The following PARP8 variants were observed in gnomAD, a reference collection of about 807,000 sequenced individuals.
PARP8 encodes poly(ADP-ribose) polymerase family member 8.
A neutral mutation model predicts 124.1 loss-of-function variants in PARP8; 51 were observed. The ratio of observed to expected loss-of-function variants is 0.41; its 90% CI spans 0.33 to 0.52. The LOEUF is 0.52. Among genes scored for constraint, PARP8 ranks in the 20% least tolerant of loss-of-function variants. The pLI is 0.21. For missense variants in PARP8, 860 were observed against 1,018.9 expected, an observed-to-expected ratio of 0.84 and a Z score of 2.12; for synonymous variants, 391 against 361.5, an observed-to-expected ratio of 1.08 and a Z score of -0.93.
chr5:50,839,733 C>G (rs1258843527), intron 25 of PARP8, among the ~76,000 whole-genome samples: 1 of 151,630 alleles, frequency 6.6e-6, no homozygotes, highest in African/African-American at 2.4e-5. Context: ...GCTCTCTGCT[C>G]TCTCTTCCTC....
At chr5:50,769,499 C>T (rs34428476) in intron 7 of PARP8, among the ~76,000 whole-genome samples, 31,139 of 151,814 alleles carry the variant, frequency 0.21, 3,370 homozygotes, top group South Asian at 0.34. Context: ...AAACAACATA[C>T]ATCAAGAATC....
chr5:50,828,291 C>A, intron 20 of PARP8, 21 bp from the exon 21 acceptor site: 1 of 1,608,438 alleles, frequency 6.2e-7, no homozygotes, highest in Non-Finnish European at 8.5e-7. Flanking sequence ...TTTGCTTTTT[C>A]CTTTCCGTCT....
intron 2 of PARP8, among the ~76,000 whole-genome samples, chr5:50,696,288 G>C (rs534287662): frequency 6.6e-6 from 1 of 152,234 alleles, no homozygotes; most frequent in Admixed American, 6.5e-5. Flanking sequence ...TCTTTACCTA[G>C]GTGAAAGCTA....
At chr5:50,835,121 A>ATTTTT in intron 25 of PARP8, 106 bp downstream of exon 25, 2 of 827,048 alleles carry the variant, frequency 2.4e-6, no homozygotes, top group Non-Finnish European at 3.9e-6. Context: ...ATAACAGGTA[A>ATTTTT]TTGAGTTTAA....
At chr5:50,705,695 G>A (rs537049133) in intron 2 of PARP8, among the ~76,000 whole-genome samples, 1 of 152,208 alleles carries the variant, frequency 6.6e-6, no homozygotes, top group East Asian at 1.9e-4. Context: ...TGAGGCATGA[G>A]AGTCTCTTGA....
intron 2 of PARP8, among the ~76,000 whole-genome samples, chr5:50,669,808 T>G (rs1170546589): frequency 6.6e-6 from 1 of 152,248 alleles, no homozygotes; most frequent in Non-Finnish European, 1.5e-5. Context: ...TATTAAAGGA[T>G]AGTGTTTTCT....
At chr5:50,763,409 T>G in intron 7 of PARP8, 167 bp downstream of exon 7, 1 of 569,880 alleles carries the variant, frequency 1.8e-6, no homozygotes, top group South Asian at 2.2e-5. Context: ...TATGGCTATT[T>G]TTTTGATACA....
chr5:50,837,481 C>A (rs1747710244), intron 25 of PARP8, among the ~76,000 whole-genome samples: 1 of 152,044 alleles, frequency 6.6e-6, no homozygotes, highest in Non-Finnish European at 1.5e-5. Flanking sequence ...AATTTCTGTT[C>A]TTTTTATTTT....
intron 7 of PARP8, among the ~76,000 whole-genome samples, chr5:50,768,885 G>C (rs541787030): frequency 2.0e-5 from 3 of 152,198 alleles, no homozygotes; most frequent in African/African-American, 4.8e-5. Flanking sequence ...ACGGAAATGG[G>C]TTTGCATATA....
chr5:50,691,380 G>A (rs557487229), intron 2 of PARP8, among the ~76,000 whole-genome samples: 1 of 152,306 alleles, frequency 6.6e-6, no homozygotes, highest in Admixed American at 6.5e-5. Context: ...CTGGTGGAAT[G>A]TCTCCTTAGA....
rs558776435 is a variant in PARP8 at position 50,753,877 on chromosome 5, T to C, written c.184+3689T>C. Among the ~76,000 whole-genome samples the C allele has an allele frequency of 7.9e-5, 12 of 151,744 alleles. No individual in the cohort carries two copies. In the South Asian group the frequency reaches 2.5e-3, roughly 31 times the overall value. ...AGTTTAAGAAATACTTTTGCACAGT[T>C]CTATTCATCTCTCCCCAAGTCTCAA... On this transcript the variant is annotated intron_variant, in intron 3 of 25. Coordinates refer to ENST00000281631, the MANE Select transcript of PARP8 (RefSeq NM_024615.4).
Position 50,666,834 on chromosome 5 carries a change from G to A in PARP8, c.-262G>A, listed in dbSNP as rs1270683900. ...ATCACCATCCATTGTCAGAAGGGGA[G>A]GAAATTGGAATCCAGCAGCGGCGAG... is the stretch of plus-strand genomic sequence containing the variant. On this transcript the variant is annotated 5_prime_UTR_variant, in exon 1 of 26. Coordinates refer to ENST00000281631, the MANE Select transcript of PARP8 (RefSeq NM_024615.4). 4 of 1,321,976 alleles carry A rather than the reference G, an allele frequency of 3.0e-6. No homozygotes were observed. Among genetic ancestry groups the A allele is most frequent in the Non-Finnish European group, 3.9e-6 (4 of 1,028,776 alleles). The allele number at this position is 1,321,976 out of a possible 1,614,324, so 81.9% of individuals were successfully genotyped here.
intron 19 of PARP8, 130 bp downstream of exon 19, chr5:50,826,933 T>A: frequency 7.5e-7 from 1 of 1,333,288 alleles, no homozygotes; most frequent in East Asian, 2.8e-5. Context: ...TAAATATAAT[T>A]CTTTAGTTTG....
intron 15 of PARP8, among the ~76,000 whole-genome samples, chr5:50,818,188 C>G (rs553674749): frequency 3.3e-4 from 48 of 145,048 alleles, no homozygotes; most frequent in East Asian, 1.3e-3. Context: ...CCCCCCCCCC[C>G]CAAAAAAAAG....
intron 2 of PARP8, among the ~76,000 whole-genome samples, chr5:50,676,369 C>G (rs1750639289): frequency 6.6e-6 from 1 of 152,192 alleles, no homozygotes; most frequent in African/African-American, 2.4e-5. Flanking sequence ...ATTTCATGCC[C>G]CTAACTTTTC....
At chr5:50,767,791 T>C (rs1395217949) in intron 7 of PARP8, among the ~76,000 whole-genome samples, 1 of 152,204 alleles carries the variant, frequency 6.6e-6, no homozygotes, top group Non-Finnish European at 1.5e-5. Flanking sequence ...TCTCCCACGC[T>C]GGGCAAAAAC....
intron 3 of PARP8, among the ~76,000 whole-genome samples, chr5:50,754,150 T>TATATATAC (rs1312947286): frequency 1.0e-3 from 38 of 37,146 alleles, no homozygotes; most frequent in African/African-American, 3.6e-3. Flanking sequence ...TATATATATA[T>TATATATAC]ACACACACAC....
At chr5:50,734,954 A>T (rs1431937856) in intron 2 of PARP8, among the ~76,000 whole-genome samples, 2 of 152,130 alleles carry the variant, frequency 1.3e-5, no homozygotes, top group Non-Finnish European at 2.9e-5. Flanking sequence ...TCAAATCATA[A>T]CAATTAATAT....
At chr5:50,821,458 C>A in intron 16 of PARP8, 120 bp downstream of exon 16, 2 of 1,076,432 alleles carry the variant, frequency 1.9e-6, no homozygotes, top group Non-Finnish European at 2.7e-6. Context: ...TCAAGCATAT[C>A]CATGAGTATT....
Sources: gnomAD v4.1 joint callset for allele counts (sites outside exome capture counted in the v4.1 genomes callset) on GRCh38, gnomAD v4.1.1 for gene constraint, MANE v1.5 for transcripts, NCBI Gene and HGNC (gene_info 2026-07-23, HGNC 2026-07-21) for gene names.